The following C1orf21 variants were observed in gnomAD, a reference collection of about 807,000 sequenced individuals.
C1orf21 encodes chromosome 1 open reading frame 21, also known as uncharacterized protein C1orf21.
Under a neutral mutation model 18.7 loss-of-function variants are expected in C1orf21, and 3 were observed. The ratio of observed to expected loss-of-function variants is 0.16; its 90% confidence interval spans 0.07 to 0.42. C1orf21 has a LOEUF of 0.42. Ranked by LOEUF, C1orf21 falls within the 10% of genes least tolerant of loss-of-function variation. The pLI, the probability that C1orf21 is intolerant of heterozygous loss-of-function variation, is 0.99. For synonymous variants in C1orf21, 41 were observed against 46.4 expected (o/e 0.88, Z 0.47); for missense variants, 104 against 143.6 (o/e 0.72, Z 1.41).
At chr1:184,574,198 C>T (rs1205314388) in intron 3 of C1orf21, among the ~76,000 whole-genome samples, 3 of 152,098 alleles carry the variant, frequency 2.0e-5, no homozygotes, top group Admixed American at 6.6e-5. Context: ...GAGAAAGACT[C>T]TGTCTCAAAA....
intron 4 of C1orf21, 110 bp from the exon 5 acceptor site, chr1:184,598,291 G>A: frequency 1.1e-6 from 1 of 881,518 alleles, no homozygotes; most frequent in South Asian, 1.7e-5. Flanking sequence ...GGAAAAGTCT[G>A]CAATAAATAA....
chr1:184,535,874 C>G (rs959752767), intron 3 of C1orf21, among the ~76,000 whole-genome samples: 3 of 152,092 alleles, frequency 2.0e-5, no homozygotes, highest in African/African-American at 7.2e-5. Flanking sequence ...CCATTAAAAC[C>G]TTCAAAATTT....
rs9425630 is a variant in C1orf21 at position 184,602,349 on chromosome 1, A to G, written c.327+3888A>G. 8.2e-3 allele frequency among the ~76,000 whole-genome samples: 1,251 copies of G among 152,336 alleles called. 10 individuals are homozygous for G. Among genetic ancestry groups the G allele is most frequent in the Middle Eastern group, 0.031 (9 of 294 alleles). On this transcript the variant is annotated intron_variant, in intron 5 of 5. Transcript: ENST00000235307. ...TTGTCAGGAGAGCAGTGAAAGTTCA[A>G]AGAAGCTTGTAATCTGATTTACTTT...
chr1:184,493,638 A>C (rs552963173), intron 2 of C1orf21, among the ~76,000 whole-genome samples: 47 of 152,378 alleles, frequency 3.1e-4, no homozygotes, highest in African/African-American at 1.1e-3. Context: ...CAAATTATGT[A>C]TGAAATAGGA....
intron 1 of C1orf21, among the ~76,000 whole-genome samples, chr1:184,443,730 A>G (rs568711431): frequency 1.5e-4 from 23 of 152,264 alleles, no homozygotes; most frequent in Middle Eastern, 3.4e-3. Context: ...CCCTAACCAC[A>G]GGGAAGGGAA....
chr1:184,551,612 G>T (rs747610594), intron 3 of C1orf21, among the ~76,000 whole-genome samples: 2 of 152,166 alleles, frequency 1.3e-5, no homozygotes, highest in Non-Finnish European at 2.9e-5. Context: ...AGCTGTGTCT[G>T]CATCTTTCTG....
chr1:184,446,548 A>G lies in C1orf21; in HGVS notation c.-124-30838A>G, dbSNP rs76738505. 3.1e-3 allele frequency among the ~76,000 whole-genome samples: 478 copies of G among 152,298 alleles called. 3 individuals carry two copies. Among genetic ancestry groups the G allele is most frequent in the East Asian group, 0.026 (137 of 5,192 alleles). The stretch of plus-strand genomic sequence containing the variant: ...AATGAACATGTTAAATGATACTTCA[A>G]TGATACAATCAGCAAAGTTCCAAAA... On this transcript the variant is annotated intron_variant, in intron 1 of 5. Transcript: ENST00000235307.
chr1:184,461,800 C>T (rs528059405), intron 1 of C1orf21, among the ~76,000 whole-genome samples: 6 of 152,112 alleles, frequency 3.9e-5, no homozygotes, highest in South Asian at 4.2e-4. Flanking sequence ...TAAACAGCCT[C>T]GCACGTTTCA....
At chr1:184,516,994 T>C (rs767235052) in intron 3 of C1orf21, among the ~76,000 whole-genome samples, 1 of 152,240 alleles carries the variant, frequency 6.6e-6, no homozygotes, top group Non-Finnish European at 1.5e-5. Context: ...AGCAGTACCC[T>C]GTAAGGGGGC....
chr1:184,617,475 TC>T (rs1659845881), intron 5 of C1orf21, among the ~76,000 whole-genome samples: 1 of 152,088 alleles, frequency 6.6e-6, no homozygotes, highest in African/African-American at 2.4e-5. Flanking sequence ...AAAAAATAAA[TC>T]CCCAGTGGCC....
intron 1 of C1orf21, among the ~76,000 whole-genome samples, chr1:184,425,299 G>A (rs952151215): frequency 4.0e-5 from 6 of 149,678 alleles, no homozygotes; most frequent in African/African-American, 1.5e-4. Context: ...ACAAGGTCTC[G>A]TTCTGGCACC....
At chr1:184,550,002 T>G (rs1035042815) in intron 3 of C1orf21, among the ~76,000 whole-genome samples, 5 of 152,238 alleles carry the variant, frequency 3.3e-5, no homozygotes, top group African/African-American at 1.2e-4. Flanking sequence ...ATATCAGCAC[T>G]TAATTTTAAA....
At chr1:184,430,681 G>C (rs1400984561) in intron 1 of C1orf21, among the ~76,000 whole-genome samples, 2 of 152,156 alleles carry the variant, frequency 1.3e-5, no homozygotes, top group South Asian at 4.1e-4. Flanking sequence ...CCAAATACCA[G>C]ATTCTTCTAC....
intron 1 of C1orf21, among the ~76,000 whole-genome samples, chr1:184,456,540 T>C (rs1230498138): frequency 6.6e-6 from 1 of 152,234 alleles, no homozygotes; most frequent in East Asian, 1.9e-4. Context: ...TATATTCTTT[T>C]ACGGTAAAGA....
At chr1:184,407,349 G>A (rs929251560) in intron 1 of C1orf21, among the ~76,000 whole-genome samples, 2 of 152,002 alleles carry the variant, frequency 1.3e-5, no homozygotes, top group African/African-American at 4.8e-5. Context: ...CATTTTACAT[G>A]TCTAAAATGG....
chr1:184,524,955 G>A (rs1450465444), intron 3 of C1orf21, among the ~76,000 whole-genome samples: 1 of 152,026 alleles, frequency 6.6e-6, no homozygotes, highest in Non-Finnish European at 1.5e-5. Context: ...ATATCCATTA[G>A]TCTGAGGAGT....
intron 3 of C1orf21, among the ~76,000 whole-genome samples, chr1:184,542,268 C>T (rs938286195): frequency 6.6e-6 from 1 of 152,180 alleles, no homozygotes; most frequent in Non-Finnish European, 1.5e-5. Context: ...ATGTGCCAGG[C>T]ACAGTTCTAA....
chr1:184,606,244 G>A (rs138704034), intron 5 of C1orf21, among the ~76,000 whole-genome samples: 16 of 152,190 alleles, frequency 1.1e-4, no homozygotes, highest in African/African-American at 3.9e-4. Context: ...ACTCTTAATT[G>A]TTGTGTCTCA....
At chr1:184,497,154 C>A in intron 2 of C1orf21, among the ~76,000 whole-genome samples, 1 of 152,196 alleles carries the variant, frequency 6.6e-6, no homozygotes, top group East Asian at 1.9e-4. Context: ...CTTTTACAAA[C>A]AAACTGAGCA....
Sources: allele counts gnomAD v4.1 joint callset (sites outside exome capture counted in the v4.1 genomes callset), GRCh38; gene constraint gnomAD v4.1.1; transcripts MANE v1.5; gene names NCBI Gene and HGNC (gene_info 2026-07-23, HGNC 2026-07-21).